Variants in SDK1 observed in about 807,000 individuals in gnomAD.
SDK1 encodes the protein sidekick cell adhesion molecule 1, also known as protein sidekick-1.
In SDK1, 157 loss-of-function variants were observed where a neutral mutation model predicts 245.5. The observed-to-expected ratio is 0.64, with a 90% confidence interval of 0.56 to 0.73. The LOEUF is 0.73. Among genes scored for constraint, SDK1 ranks in the 30% least tolerant of loss-of-function variants. The probability of loss-of-function intolerance (pLI) is 0.00; values close to 1 mark genes in which losing one functional copy is unlikely to be tolerated. For synonymous variants in SDK1, 1,647 were observed against 1,278.5 expected (o/e 1.29, Z -6.15); for missense variants, 3,583 against 3,002.3 (o/e 1.19, Z -4.52).
At chr7:3,347,132 T>A (rs575351951) in intron 1 of SDK1, among the ~76,000 whole-genome samples, 7 of 151,844 alleles carry the variant, frequency 4.6e-5, no homozygotes, top group Non-Finnish European at 7.4e-5. Context: ...TTGCTTTCAC[T>A]GCCTCTTGCA....
At chr7:3,395,387 T>C (rs1249200198) in intron 1 of SDK1, among the ~76,000 whole-genome samples, 1 of 151,964 alleles carries the variant, frequency 6.6e-6, no homozygotes, top group Non-Finnish European at 1.5e-5. Flanking sequence ...ATTGAGGATT[T>C]TTGCATCTGT....
At chr7:3,427,058 G>GT (rs1779697312) in intron 1 of SDK1, among the ~76,000 whole-genome samples, 1 of 152,174 alleles carries the variant, frequency 6.6e-6, no homozygotes, top group South Asian at 2.1e-4. Flanking sequence ...ATGCAGGACT[G>GT]TAACAGTGAT....
At chr7:3,406,518 C>T (rs1245044539) in intron 1 of SDK1, among the ~76,000 whole-genome samples, 1 of 152,136 alleles carries the variant, frequency 6.6e-6, no homozygotes, top group African/African-American at 2.4e-5. Context: ...TCTCTCTCTC[C>T]AACTGTGGGC....
intron 1 of SDK1, among the ~76,000 whole-genome samples, chr7:3,478,098 G>A (rs1438632240): frequency 4.6e-5 from 7 of 152,008 alleles, no homozygotes; most frequent in Non-Finnish European, 7.4e-5. Context: ...TTAAATCACT[G>A]TATCAGTAAA....
chr7:3,488,386 A>G (rs1220754133), intron 1 of SDK1, among the ~76,000 whole-genome samples: 1 of 152,134 alleles, frequency 6.6e-6, no homozygotes, highest in Non-Finnish European at 1.5e-5. Context: ...TCTTTGAGAC[A>G]CGATTTAATA....
chr7:3,785,151 A>G (rs547123631), intron 4 of SDK1, among the ~76,000 whole-genome samples: 1 of 152,302 alleles, frequency 6.6e-6, no homozygotes, highest in South Asian at 2.1e-4. Flanking sequence ...ATCTGAAACA[A>G]TAACTCATAG....
chr7:3,723,848 ACATATACATATACACGTG>A (rs1778910328), intron 4 of SDK1, among the ~76,000 whole-genome samples: 1 of 142,002 alleles, frequency 7.0e-6, no homozygotes, highest in African/African-American at 2.6e-5. Flanking sequence ...ATATACACGT[ACATATACATATACACGTG>A]TATATACACG....
At chr7:4,253,543 A>C (rs1787443454) in intron 44 of SDK1, among the ~76,000 whole-genome samples, 1 of 152,164 alleles carries the variant, frequency 6.6e-6, no homozygotes, top group African/African-American at 2.4e-5. Context: ...TCTTATTTTA[A>C]GGCCTGGCCT....
chr7:4,237,718 A>AC lies in SDK1; in HGVS notation c.6064_6065insC (p.Ile2022ThrfsTer15). On this transcript the variant is annotated frameshift_variant, in exon 42 of 45. Coordinates refer to ENST00000404826, the MANE Select transcript of SDK1 (RefSeq NM_152744.4). LOFTEE classifies it high-confidence loss of function. The stretch of plus-strand genomic sequence containing the variant: ...GATGGCTCTGTCCAGCCTGATCGTC[A>AC]TCCTGCTGGTGGTGTTCGCCCTCGT... 6.2e-7 allele frequency: 1 copy of AC among 1,614,126 alleles called. No individual in the cohort carries two copies.
intron 35 of SDK1, among the ~76,000 whole-genome samples, chr7:4,182,193 G>T (rs1451827273): frequency 6.6e-6 from 1 of 152,056 alleles, no homozygotes; most frequent in Admixed American, 6.5e-5. Flanking sequence ...TGCCATTTAG[G>T]CTTTTATCCC....
intron 38 of SDK1, among the ~76,000 whole-genome samples, chr7:4,213,721 G>A (rs1033138017): frequency 7.2e-5 from 11 of 152,114 alleles, no homozygotes; most frequent in African/African-American, 2.7e-4. Flanking sequence ...TTGTTTCTTG[G>A]CTTCTACCAA....
intron 5 of SDK1, among the ~76,000 whole-genome samples, chr7:3,906,671 A>G (rs1046336349): frequency 1.8e-5 from 2 of 112,358 alleles, no homozygotes; most frequent in Non-Finnish European, 3.3e-5. Context: ...TCTGTCGCCC[A>G]GGCTGGAGTG....
intron 5 of SDK1, among the ~76,000 whole-genome samples, chr7:3,938,629 G>C (rs1453301659): frequency 1.6e-5 from 2 of 126,752 alleles, no homozygotes; most frequent in African/African-American, 1.1e-4. Context: ...CTGGGCGACA[G>C]AGTGAGACTC....
intron 1 of SDK1, among the ~76,000 whole-genome samples, chr7:3,606,673 T>C (rs1781435493): frequency 6.6e-6 from 1 of 152,190 alleles, no homozygotes; most frequent in Admixed American, 6.5e-5. Context: ...CTTCCCTTTC[T>C]TACTCAGATA....
intron 4 of SDK1, among the ~76,000 whole-genome samples, chr7:3,727,543 T>C (rs1296320516): frequency 1.3e-5 from 2 of 152,062 alleles, no homozygotes; most frequent in Admixed American, 6.6e-5. Context: ...CAGGCTGGAG[T>C]GCAGTGGCGC....
intron 1 of SDK1, among the ~76,000 whole-genome samples, chr7:3,313,713 T>G (rs554361326): frequency 6.6e-6 from 1 of 152,222 alleles, no homozygotes; most frequent in East Asian, 1.9e-4. Flanking sequence ...AAAATTTCAT[T>G]TAGAAGGAAT....
chr7:4,089,058 T>C (rs1311972307), intron 22 of SDK1, among the ~76,000 whole-genome samples: 3 of 140,740 alleles, frequency 2.1e-5, no homozygotes, highest in African/African-American at 3.2e-5. Context: ...AGACTCTCCC[T>C]CAGGTGGAGG....
chr7:4,199,040 C>G (rs1425445717), intron 35 of SDK1, among the ~76,000 whole-genome samples: 1 of 152,094 alleles, frequency 6.6e-6, no homozygotes, highest in African/African-American at 2.4e-5. Flanking sequence ...GTCTTGACCT[C>G]CTGACTTCAG....
At chr7:3,987,096 C>G (rs968823286) in intron 13 of SDK1, 90 bp from the exon 14 acceptor site, 12 of 1,295,730 alleles carry the variant, frequency 9.3e-6, no homozygotes, top group Non-Finnish European at 1.1e-5. Context: ...AAACATGACA[C>G]AGCAGGACGG....
Sources: gnomAD v4.1 joint callset for allele counts (sites outside exome capture counted in the v4.1 genomes callset) on GRCh38, gnomAD v4.1.1 for gene constraint, MANE v1.5 for transcripts, NCBI Gene and HGNC (gene_info 2026-07-23, HGNC 2026-07-21) for gene names.